Variants in CASK observed in about 807,000 individuals in gnomAD.
CASK encodes peripheral plasma membrane protein CASK.
Under a neutral mutation model 82.9 loss-of-function variants are expected in CASK, and 4 were observed. The observed-to-expected ratio is 0.05, with a 90% confidence interval of 0.02 to 0.11. CASK has a LOEUF of 0.11. Among genes scored for constraint, CASK ranks in the 10% least tolerant of loss-of-function variants. The pLI, the probability that CASK is intolerant of heterozygous loss-of-function variation, is 1.00. For missense variants in CASK, 358 were observed against 720.9 expected (o/e 0.50, Z 5.76); for synonymous variants, 259 against 253.5 (o/e 1.02, Z -0.20).
intron 5 of CASK, among the ~76,000 whole-genome samples, chrX:41,703,231 A>G (rs2067831781): frequency 8.9e-6 from 1 of 111,894 alleles, no homozygotes; most frequent in Admixed American, 9.5e-5. Context: ...AGTACCCATC[A>G]CCCCAATTGA....
At chrX:41,915,861 G>A (rs912217047) in intron 1 of CASK, among the ~76,000 whole-genome samples, 3 of 110,979 alleles carry the variant, frequency 2.7e-5, no homozygotes, top group African/African-American at 9.8e-5. Context: ...TTAGCCGGGC[G>A]TCTGTAGTCC....
intron 12 of CASK, among the ~76,000 whole-genome samples, chrX:41,607,858 G>A (rs757139420): frequency 8.9e-6 from 1 of 111,886 alleles, no homozygotes; most frequent in Non-Finnish European, 1.9e-5. Flanking sequence ...TCTGAATGAC[G>A]GTGTGGAAAA....
intron 5 of CASK, among the ~76,000 whole-genome samples, chrX:41,678,718 A>T (rs1228064240): frequency 9.0e-6 from 1 of 111,390 alleles, no homozygotes; most frequent in African/African-American, 3.3e-5. Context: ...GTTTTCTTCA[A>T]CATTTTGTTA....
Position 41,775,014 on chromosome X carries a change from C to A in CASK, c.278+12164G>T, listed in dbSNP as rs372991194. ...CTAAAACACCAAAAGCAATGGCAAC[C>A]AAAGCCAAAATTGACAAATGGGATC... On this transcript the variant is annotated intron_variant, in intron 3 of 26. Coordinates refer to ENST00000378163, the MANE Select transcript of CASK (RefSeq NM_001367721.1). 2.8e-4 allele frequency among the ~76,000 whole-genome samples: 31 copies of A among 110,338 alleles called. 1 individual carries two copies. Among genetic ancestry groups the A allele is most frequent in the Middle Eastern group, 4.6e-3 (1 of 217 alleles).
intron 14 of CASK, among the ~76,000 whole-genome samples, chrX:41,583,602 ATT>A (rs1359575841): frequency 4.4e-5 from 4 of 90,498 alleles, no homozygotes. Flanking sequence ...ACGCCAGGCT[ATT>A]TTTTTTTTTT....
intron 2 of CASK, among the ~76,000 whole-genome samples, chrX:41,824,000 T>G (rs994671649): frequency 8.9e-6 from 1 of 112,208 alleles, no homozygotes; most frequent in Admixed American, 9.4e-5. Context: ...CTGATCAACA[T>G]TTATATTTCA....
At chrX:41,624,703 T>C (rs915847946) in intron 10 of CASK, among the ~76,000 whole-genome samples, 1 of 111,709 alleles carries the variant, frequency 9.0e-6, no homozygotes, top group Non-Finnish European at 1.9e-5. Flanking sequence ...TGTGTGTGTG[T>C]GTATGTGAAT....
In CASK at chrX:41,517,769, G is replaced by C; in HGVS notation, c.*2651C>G. On this transcript the variant is annotated 3_prime_UTR_variant, in exon 27 of 27. Coordinates refer to ENST00000378163, the MANE Select transcript of CASK (RefSeq NM_001367721.1). ...CTTAGTGGACAATTGTAATGTAGCA[G>C]TAGCAGCAGCAGCAGCAGCAGCAGC... 4 of 773,400 alleles carry C rather than the reference G, an allele frequency of 5.2e-6. No homozygotes were observed. In the South Asian group the frequency reaches 6.7e-5, roughly 13 times the overall value. The allele number at this position is 773,400 out of a possible 1,213,427, so 63.7% of individuals were successfully genotyped here.
At chrX:41,778,252 C>G (rs1271436728) in intron 3 of CASK, among the ~76,000 whole-genome samples, 4 of 108,021 alleles carry the variant, frequency 3.7e-5, no homozygotes, top group Non-Finnish European at 7.7e-5. Flanking sequence ...TTTTTCAAGA[C>G]TGAGTCTCGC....
intron 2 of CASK, among the ~76,000 whole-genome samples, chrX:41,843,881 A>T (rs2071097108): frequency 8.9e-6 from 1 of 111,803 alleles, no homozygotes; most frequent in African/African-American, 3.2e-5. Flanking sequence ...TATGGTTGAA[A>T]AAATCATTCC....
chrX:41,519,962 AG>A lies in CASK; in HGVS notation c.*457del, dbSNP rs1357987044. The stretch of plus-strand genomic sequence containing the variant: ...TACACTAATTATTTCAAATAAATAA[AG>A]GAAAGAAAGATATCCCAATATTCCA... On this transcript the variant is annotated 3_prime_UTR_variant, in exon 27 of 27. Transcript: ENST00000378163. The A allele has an allele frequency of 8.9e-6, 1 of 112,370 alleles. No homozygotes were observed. The highest frequency in any genetic ancestry group is 3.3e-5 in the African/African-American group (1 of 30,755). The allele number at this position is 112,370 out of a possible 1,213,427, so 9.3% of individuals were successfully genotyped here.
intron 5 of CASK, among the ~76,000 whole-genome samples, chrX:41,692,174 A>C (rs914320107): frequency 3.6e-5 from 4 of 112,495 alleles, no homozygotes; most frequent in Non-Finnish European, 7.5e-5. Flanking sequence ...CACAGAAAGT[A>C]CTAAATAAAT....
At chrX:41,555,819 A>G in intron 19 of CASK, 184 bp from the exon 20 acceptor site, 1 of 420,630 alleles carries the variant, frequency 2.4e-6, no homozygotes, top group Non-Finnish European at 4.2e-6. Flanking sequence ...CAGGCCATTT[A>G]GCAGCAAGCT....
At chrX:41,824,803 C>T (rs1195875106) in intron 2 of CASK, among the ~76,000 whole-genome samples, 1 of 111,461 alleles carries the variant, frequency 9.0e-6, no homozygotes, top group Non-Finnish European at 1.9e-5. Context: ...CAACAAGGTT[C>T]AGATCTTAGT....
chrX:41,760,020 G>A (rs188989743), intron 3 of CASK, among the ~76,000 whole-genome samples: 1 of 111,814 alleles, frequency 8.9e-6, no homozygotes, highest in African/African-American at 3.2e-5. Flanking sequence ...GTGCCTCCTA[G>A]TGGATAAGGA....
chrX:41,555,525 G>A (rs1347094585), intron 20 of CASK, 75 bp downstream of exon 20: 2 of 773,035 alleles, frequency 2.6e-6, no homozygotes, highest in Admixed American at 2.2e-5. Flanking sequence ...AACATTATGG[G>A]ATGGAAAGGG....
At chrX:41,638,497 G>A (rs1401280028) in intron 8 of CASK, among the ~76,000 whole-genome samples, 2 of 111,451 alleles carry the variant, frequency 1.8e-5, no homozygotes, top group Non-Finnish European at 3.8e-5. Context: ...AGTGAGCCAT[G>A]ACTGCAACTG....
At chrX:41,631,070 T>C (rs2066458083) in intron 9 of CASK, among the ~76,000 whole-genome samples, 1 of 111,473 alleles carries the variant, frequency 9.0e-6, no homozygotes, top group South Asian at 3.7e-4. Flanking sequence ...ATTTCATAAT[T>C]TTCAGTCAGG....
chrX:41,682,149 T>C (rs1418150809), intron 5 of CASK, among the ~76,000 whole-genome samples: 2 of 107,558 alleles, frequency 1.9e-5, no homozygotes, highest in Non-Finnish European at 3.8e-5. Context: ...TTTTGTGAAA[T>C]ACCTTTTTAA....
Sources: gnomAD v4.1 joint callset for allele counts (sites outside exome capture counted in the v4.1 genomes callset) on GRCh38, gnomAD v4.1.1 for gene constraint, MANE v1.5 for transcripts, NCBI Gene and HGNC (gene_info 2026-07-23, HGNC 2026-07-21) for gene names.